The following PIK3R5 variants were observed in gnomAD, a reference collection of about 807,000 sequenced individuals.
The protein encoded by PIK3R5 is phosphoinositide-3-kinase regulatory subunit 5, also known as phosphoinositide 3-kinase regulatory subunit 5.
Under a neutral mutation model 94.9 loss-of-function variants are expected in PIK3R5, and 32 were observed. The observed-to-expected ratio is 0.34, with a 90% CI of 0.25 to 0.45. PIK3R5 has a LOEUF of 0.45. Among genes scored for constraint, PIK3R5 ranks in the 20% least tolerant of loss-of-function variants. The pLI is 1.00. For missense variants in PIK3R5, 853 were observed against 1,144.6 expected, an observed-to-expected ratio of 0.75 and a Z score of 3.68; for synonymous variants, 443 against 479.4, an observed-to-expected ratio of 0.92 and a Z score of 0.99.
At position 8,889,277 on chromosome 17, in the gene PIK3R5, G is replaced by A; in HGVS notation, c.812-55C>T. On this transcript the variant is annotated intron_variant, in intron 8 of 18. Coordinates refer to ENST00000447110, the MANE Select transcript of PIK3R5 (RefSeq NM_001142633.3). The surrounding 1 kb of genome is among the most constrained non-coding windows in gnomAD (Gnocchi z 4.1). ...GGCTGGGAAGAGGCCTTGGAGATTGGCCAGTCCAGTCCCCTTGCCTTGGAG... is the reference window on the plus strand; with the variant it reads ...GGCTGGGAAGAGGCCTTGGAGATTGACCAGTCCAGTCCCCTTGCCTTGGAG... The A allele has an allele frequency of 1.5e-6, 2 of 1,337,080 alleles. No homozygotes were observed. Among genetic ancestry groups the A allele is most frequent in the Non-Finnish European group, 2.1e-6 (2 of 943,468 alleles). 82.8% of individuals were successfully genotyped at this position (1,337,080 alleles called of 1,614,324 possible).
At position 8,893,242 on chromosome 17, in the gene PIK3R5, C is replaced by T. The variant is rs147498020; in HGVS notation, c.482+344G>A. Among the ~76,000 whole-genome samples, 1 of 152,264 alleles carries T rather than the reference C, an allele frequency of 6.6e-6. No homozygotes were observed. The highest frequency in any genetic ancestry group is 1.5e-5 in the Non-Finnish European group (1 of 68,042). On this transcript the variant is annotated intron_variant, in intron 6 of 18. Transcript: ENST00000447110. The surrounding 1 kb of genome is among the most constrained non-coding windows in gnomAD (Gnocchi z 5.1). ...TTAAATTCTGGCTCGTACCCTTGCTCGCTGTGTGACCTTGGGGAAGTTGCT... is the reference window on the plus strand; with the variant it reads ...TTAAATTCTGGCTCGTACCCTTGCTTGCTGTGTGACCTTGGGGAAGTTGCT...
At chr17:8,940,301 G>A (rs1487977934) in intron 1 of PIK3R5, among the ~76,000 whole-genome samples, 2 of 152,186 alleles carry the variant, frequency 1.3e-5, no homozygotes, top group Admixed American at 1.3e-4. Context: ...CTGTTTACTT[G>A]ACCATAAAAT....
At chr17:8,927,871 C>A (rs1291824856) in intron 1 of PIK3R5, among the ~76,000 whole-genome samples, 3 of 152,084 alleles carry the variant, frequency 2.0e-5, no homozygotes, top group African/African-American at 7.2e-5. Flanking sequence ...TGGTTGGGAA[C>A]CAGCTTAGTT....
At chr17:8,942,459 C>T (rs1869702118) in intron 1 of PIK3R5, among the ~76,000 whole-genome samples, 1 of 152,160 alleles carries the variant, frequency 6.6e-6, no homozygotes, top group Non-Finnish European at 1.5e-5. Context: ...CCCCCATCTG[C>T]AGGAGCTCTG....
chr17:8,941,669 G>C (rs2091182899), intron 1 of PIK3R5, among the ~76,000 whole-genome samples: 1 of 152,256 alleles, frequency 6.6e-6, no homozygotes, highest in Admixed American at 6.5e-5. Flanking sequence ...CCGTGGCACA[G>C]GATGTGGCGG....
intron 1 of PIK3R5, among the ~76,000 whole-genome samples, chr17:8,962,882 C>T (rs1383710314): frequency 6.6e-6 from 1 of 152,210 alleles, no homozygotes; most frequent in African/African-American, 2.4e-5. Flanking sequence ...TCTCCTCCCA[C>T]CCCATCTATA....
At position 8,889,835 on chromosome 17, in the gene PIK3R5, G is replaced by A; in HGVS notation, c.811+138C>T. ...ATGAGACACCCTAGGGGATGGCAGA[G>A]CAGTGAGATGCTGAAGAAGCTGAGT... On this transcript the variant is annotated intron_variant, in intron 8 of 18. Transcript: ENST00000447110. The surrounding 1 kb of genome is among the most constrained non-coding windows in gnomAD (Gnocchi z 4.1). 1.2e-6 allele frequency: 1 copy of A among 815,388 alleles called. No individual in the cohort carries two copies. The highest frequency in any genetic ancestry group is 2.0e-6 in the Non-Finnish European group (1 of 504,776). 50.5% of individuals were successfully genotyped at this position (815,388 alleles called of 1,614,324 possible). A position where few individuals can be genotyped will look rare whatever the true frequency, so the allele number is the denominator to read the frequency against.
chr17:8,938,995 T>A (rs532313441), intron 1 of PIK3R5, among the ~76,000 whole-genome samples: 4 of 152,214 alleles, frequency 2.6e-5, no homozygotes, highest in East Asian at 3.9e-4. Flanking sequence ...CCTGCTTGAG[T>A]CTTGTGGGCT....
intron 2 of PIK3R5, among the ~76,000 whole-genome samples, chr17:8,910,543 A>G (rs555015773): frequency 6.6e-6 from 1 of 152,332 alleles, no homozygotes; most frequent in African/African-American, 2.4e-5. Context: ...TTTTGCAGAC[A>G]AGGCAAGTAG....
intron 1 of PIK3R5, among the ~76,000 whole-genome samples, chr17:8,942,698 C>T (rs185642013): frequency 0.044 from 6,687 of 151,768 alleles, 204 homozygotes; most frequent in Non-Finnish European, 0.063. Flanking sequence ...CTCCGCCTCC[C>T]GGGTTCACGC....
Position 8,884,747 on chromosome 17 carries a change from C to T in PIK3R5, c.2165G>A (p.Arg722Gln), listed in dbSNP as rs367889990. 329 of 1,613,148 alleles carry T rather than the reference C, an allele frequency of 2.0e-4. No individual in the cohort carries two copies. The highest frequency in any genetic ancestry group is 2.6e-4 in the Non-Finnish European group (307 of 1,179,586). The change falls in exon 15 of 19, where the codon CGG becomes CAG. Residue 722 changes from arginine to glutamine, a missense_variant. Coordinates refer to ENST00000447110, the MANE Select transcript of PIK3R5 (RefSeq NM_001142633.3). The surrounding 1 kb of genome is among the most constrained non-coding windows in gnomAD (Gnocchi z 5.8). The stretch of plus-strand genomic sequence containing the variant: ...CTGTAGTGTTAGAGGAACAGCCTCC[C>T]GGTCGCCATCGATGCCCAGCCGCTT... ...GSKRLGIDGD[R>Q]EAVPLTLQII...
Position 8,881,921 on chromosome 17 carries a change from C to T in PIK3R5, c.2206-40G>A, listed in dbSNP as rs1597460839. 1 of 1,473,952 alleles carries T rather than the reference C, an allele frequency of 6.8e-7. No homozygotes were observed. Among genetic ancestry groups the T allele is most frequent in the Middle Eastern group, 1.7e-4 (1 of 5,796 alleles). 91.3% of individuals were successfully genotyped at this position (1,473,952 alleles called of 1,614,324 possible). On this transcript the variant is annotated intron_variant, in intron 15 of 18. Transcript: ENST00000447110. The surrounding 1 kb of genome is among the most constrained non-coding windows in gnomAD (Gnocchi z 4.8). ...TAGCCAGACCCTCTGAGTCCAGAGG[C>T]CCCGGTGCCTGCTGCCTTCTCTTTG...
rs553344043 is a variant in PIK3R5 at position 8,890,658 on chromosome 17, C to G, written c.657+80G>C. 17 of 1,273,326 alleles carry G rather than the reference C, an allele frequency of 1.3e-5. No individual in the cohort carries two copies. The highest frequency in any genetic ancestry group is 6.7e-5 in the Admixed American group (3 of 44,566). 78.9% of individuals were successfully genotyped at this position (1,273,326 alleles called of 1,614,324 possible). A position where few individuals can be genotyped will look rare whatever the true frequency, so the allele number is the denominator to read the frequency against. The stretch of plus-strand genomic sequence containing the variant: ...AGGAGACTAAGTGTACCCTGGAGAC[C>G]GTGGCTGAGATGAAGCAGGGAGAGG... On this transcript the variant is annotated intron_variant, in intron 7 of 18. Coordinates refer to ENST00000447110, the MANE Select transcript of PIK3R5 (RefSeq NM_001142633.3). This position sits in a 1 kb window ranked among gnomAD's most constrained non-coding sequence, Gnocchi z 6.1.
In PIK3R5 at chr17:8,951,949, A is replaced by G. The variant is rs915040005; in HGVS notation, c.-14+13647T>C. ...GCTACTGGAATATGAATAGACATTG[A>G]TAAGTGCAATTTCCAAGTCATGCTT... is the stretch of plus-strand genomic sequence containing the variant. On this transcript the variant is annotated intron_variant, in intron 1 of 18. Coordinates refer to ENST00000447110, the MANE Select transcript of PIK3R5 (RefSeq NM_001142633.3). Among the ~76,000 whole-genome samples the G allele has an allele frequency of 3.9e-4, 59 of 152,348 alleles. 1 individual carries two copies. Among genetic ancestry groups the G allele is most frequent in the African/African-American group, 1.3e-3 (55 of 41,576 alleles).
At chr17:8,907,994 AT>A (rs2090432851) in intron 3 of PIK3R5, among the ~76,000 whole-genome samples, 6 of 152,090 alleles carry the variant, frequency 3.9e-5, no homozygotes, top group Admixed American at 3.9e-4. Context: ...TATGGTTTTA[AT>A]TTGCATTTAT....
rs746125685 is a variant in PIK3R5, at chr17:8,884,915, C to T, written c.2129-132G>A. On this transcript the variant is annotated intron_variant, in intron 14 of 18. Transcript: ENST00000447110. The surrounding 1 kb of genome is among the most constrained non-coding windows in gnomAD (Gnocchi z 5.8). ...GGACCGTGACTCCCTAGGGATCTGTCTCACCAAGGCCCTGCCTCTCTCTCT... is the reference window on the plus strand; with the variant it reads ...GGACCGTGACTCCCTAGGGATCTGTTTCACCAAGGCCCTGCCTCTCTCTCT... 3.3e-5 allele frequency: 23 copies of T among 705,594 alleles called. No individual in the cohort carries two copies. The highest frequency in any genetic ancestry group is 5.3e-5 in the African/African-American group (3 of 57,142). The allele number at this position is 705,594 out of a possible 1,614,324, so 43.7% of individuals were successfully genotyped here.
At chr17:8,887,876 C>T (rs1567635381) in intron 10 of PIK3R5, among the ~76,000 whole-genome samples, 193 bp from the exon 11 acceptor site, 1 of 150,966 alleles carries the variant, frequency 6.6e-6, no homozygotes, top group East Asian at 1.9e-4. Context: ...TGGTGTGCAC[C>T]TGTAATCCCA....
intron 3 of PIK3R5, 33 bp from the exon 4 acceptor site, chr17:8,905,770 A>C: frequency 8.6e-5 from 128 of 1,484,470 alleles, no homozygotes; most frequent in Non-Finnish European, 1.1e-4. Flanking sequence ...AATGAGCCTC[A>C]TTCACGGGGT....
chr17:8,887,662 T>C lies in PIK3R5; in HGVS notation c.1638A>G (p.Pro546=), dbSNP rs955454588. 3.7e-6 allele frequency: 6 copies of C among 1,602,542 alleles called. No individual in the cohort carries two copies. Among genetic ancestry groups the C allele is most frequent in the Non-Finnish European group, 5.1e-6 (6 of 1,174,644 alleles). ...SNLRRLENNR[P]LLTRFFKLQF... ...GAAGTTTGAAGAACCGTGTGAGGAG[T>C]GGGCGATTGTTCTCCAGCCGCCTGG... is the stretch of plus-strand genomic sequence containing the variant. Residue 546 remains proline, a synonymous_variant, in exon 11 of 19, where the codon CCA becomes CCG. Coordinates refer to ENST00000447110, the MANE Select transcript of PIK3R5 (RefSeq NM_001142633.3).
Sources: gnomAD v4.1 joint callset for allele counts (sites outside exome capture counted in the v4.1 genomes callset) on GRCh38, gnomAD v4.1.1 for gene constraint, Gnocchi (gnomAD v3.1) non-coding constraint, MANE v1.5 for transcripts, NCBI Gene and HGNC (gene_info 2026-07-23, HGNC 2026-07-21) for gene names.